Variants in CTNNA3 observed in about 807,000 individuals in gnomAD.
The protein encoded by CTNNA3 is catenin alpha-3.
CTNNA3 carries 76 observed loss-of-function variants against 95.7 expected under a neutral mutation model. The ratio of observed to expected loss-of-function variants is 0.79; its 90% confidence interval spans 0.66 to 0.96. The LOEUF (loss-of-function observed/expected upper bound fraction) is 0.96. CTNNA3 is among the 40% of genes least tolerant of loss of function. CTNNA3 has a pLI of 0.00. For synonymous variants in CTNNA3, 431 were observed against 374.4 expected, an observed-to-expected ratio of 1.15 and a Z score of -1.74; for missense variants, 1,191 against 1,089.8, an observed-to-expected ratio of 1.09 and a Z score of -1.31.
intron 5 of CTNNA3, among the ~76,000 whole-genome samples, chr10:67,318,707 C>T (rs1841175171): frequency 6.6e-6 from 1 of 152,166 alleles, no homozygotes; most frequent in South Asian, 2.1e-4. Flanking sequence ...TTCCTTTTTA[C>T]CTCCAAGCCT....
chr10:67,619,562 C>G (rs1430125225), intron 2 of CTNNA3, among the ~76,000 whole-genome samples: 4 of 152,136 alleles, frequency 2.6e-5, no homozygotes, highest in Admixed American at 6.5e-5. Flanking sequence ...CCTTTTGGCT[C>G]TCATTTAGCA....
At chr10:67,611,937 T>C (rs552555048) in intron 2 of CTNNA3, among the ~76,000 whole-genome samples, 5 of 152,054 alleles carry the variant, frequency 3.3e-5, no homozygotes, top group Non-Finnish European at 7.4e-5. Flanking sequence ...GGTAGAAAAA[T>C]AAAACTGCCT....
chr10:67,170,672 G>A (rs963749864), intron 7 of CTNNA3, among the ~76,000 whole-genome samples: 13 of 152,058 alleles, frequency 8.5e-5, no homozygotes, highest in African/African-American at 3.1e-4. Context: ...CTGGGTACCA[G>A]GCTTAATACT....
At chr10:67,109,659 A>C (rs1057129127) in intron 7 of CTNNA3, among the ~76,000 whole-genome samples, 1 of 152,128 alleles carries the variant, frequency 6.6e-6, no homozygotes, top group African/African-American at 2.4e-5. Context: ...CCTGGCCAAC[A>C]TGGTGAAACC....
chr10:66,344,863 A>G (rs1404031307), intron 12 of CTNNA3, among the ~76,000 whole-genome samples: 1 of 152,086 alleles, frequency 6.6e-6, no homozygotes, highest in African/African-American at 2.4e-5. Context: ...AGTGTATACA[A>G]ATCTAAACAT....
chr10:66,127,867 G>A (rs1266489100), intron 13 of CTNNA3, among the ~76,000 whole-genome samples: 1 of 152,178 alleles, frequency 6.6e-6, no homozygotes, highest in African/African-American at 2.4e-5. Flanking sequence ...ACGAGGTCAG[G>A]AGTTTGAGAC....
rs1300186302 is a variant in CTNNA3 at position 65,919,946 on chromosome 10, G to T, written c.*384C>A. On this transcript the variant is annotated 3_prime_UTR_variant, in exon 18 of 18. Transcript: ENST00000433211. ...TTTCTATTAAAAAACCAAGTTAGGAGCTCATGTTAGTGTTTTAATTCAAGA... is the reference window on the plus strand; with the variant it reads ...TTTCTATTAAAAAACCAAGTTAGGATCTCATGTTAGTGTTTTAATTCAAGA... 6.1e-6 allele frequency: 1 copy of T among 163,974 alleles called. No individual in the cohort carries two copies. Among genetic ancestry groups the T allele is most frequent in the Non-Finnish European group, 1.3e-5 (1 of 76,190 alleles). 10.2% of individuals were successfully genotyped at this position (163,974 alleles called of 1,614,324 possible). A position where few individuals can be genotyped will look rare whatever the true frequency, so the allele number is the denominator to read the frequency against.
At chr10:67,568,927 T>A (rs1408219787) in intron 3 of CTNNA3, among the ~76,000 whole-genome samples, 1 of 152,138 alleles carries the variant, frequency 6.6e-6, no homozygotes, top group Non-Finnish European at 1.5e-5. Context: ...AACAATGTCC[T>A]TAGATAAGCA....
intron 9 of CTNNA3, among the ~76,000 whole-genome samples, chr10:66,721,385 T>G (rs532450407): frequency 1.3e-5 from 2 of 152,332 alleles, no homozygotes; most frequent in African/African-American, 2.4e-5. Flanking sequence ...TTTATAAAAT[T>G]TCTTTGTTTT....
At chr10:67,274,735 A>G (rs1027296613) in intron 5 of CTNNA3, among the ~76,000 whole-genome samples, 3 of 152,074 alleles carry the variant, frequency 2.0e-5, no homozygotes, top group African/African-American at 7.2e-5. Context: ...GGCTGAGATA[A>G]GAGGATTCCT....
chr10:67,747,921 CT>C (rs1348380970), intron 1 of CTNNA3, among the ~76,000 whole-genome samples: 3 of 152,164 alleles, frequency 2.0e-5, no homozygotes, highest in Non-Finnish European at 4.4e-5. Flanking sequence ...ACAATATGAC[CT>C]GATGAAGCTG....
chr10:66,776,540 A>G (rs751046661), intron 7 of CTNNA3, among the ~76,000 whole-genome samples: 1 of 152,100 alleles, frequency 6.6e-6, no homozygotes, highest in Non-Finnish European at 1.5e-5. Context: ...GAAATTTAAA[A>G]ACTCTCTATA....
intron 14 of CTNNA3, among the ~76,000 whole-genome samples, chr10:66,092,939 T>A (rs1169694588): frequency 1.3e-5 from 2 of 151,958 alleles, no homozygotes; most frequent in Non-Finnish European, 2.9e-5. Flanking sequence ...TCTTTTTAAT[T>A]TTTAAAAATT....
intron 7 of CTNNA3, among the ~76,000 whole-genome samples, chr10:67,126,378 T>A (rs1227200592): frequency 2.0e-5 from 3 of 152,036 alleles, no homozygotes; most frequent in Non-Finnish European, 4.4e-5. Flanking sequence ...AATACAAAAG[T>A]CAGCTGGGCG....
At chr10:66,120,453 C>A in intron 13 of CTNNA3, among the ~76,000 whole-genome samples, 1 of 151,866 alleles carries the variant, frequency 6.6e-6, no homozygotes, top group East Asian at 1.9e-4. Flanking sequence ...TGTCCTGGTC[C>A]AGTTATCTAC....
rs543540021 is a variant in CTNNA3, at chr10:67,648,835, G to T, written c.-5-1317C>A. ...GATTCAGCTGCAATGTAAGAGACAC[G>T]CTTCAAGAAAGGCTCCAAACACTAT... is the stretch of plus-strand genomic sequence containing the variant. On this transcript the variant is annotated intron_variant, in intron 1 of 17. Transcript: ENST00000433211. 93 of 1,256,866 alleles carry T rather than the reference G, an allele frequency of 7.4e-5. 1 individual carries two copies. In the African/African-American group the frequency reaches 1.1e-3, roughly 15 times the overall value. The allele number at this position is 1,256,866 out of a possible 1,614,324, so 77.9% of individuals were successfully genotyped here.
At chr10:66,800,740 C>T (rs1392792971) in intron 7 of CTNNA3, among the ~76,000 whole-genome samples, 1 of 150,972 alleles carries the variant, frequency 6.6e-6, no homozygotes, top group Non-Finnish European at 1.5e-5. Context: ...TGAAGTTACC[C>T]CCATTAAGTC....
intron 17 of CTNNA3, among the ~76,000 whole-genome samples, chr10:65,946,285 T>C (rs765628315): frequency 5.9e-5 from 9 of 152,210 alleles, no homozygotes; most frequent in Non-Finnish European, 8.8e-5. Flanking sequence ...ATTACATATA[T>C]AGTTTACAAA....
chr10:67,337,126 C>A (rs1842024008), intron 5 of CTNNA3, among the ~76,000 whole-genome samples: 1 of 152,038 alleles, frequency 6.6e-6, no homozygotes, highest in South Asian at 2.1e-4. Context: ...TGGACCTGAG[C>A]AAAGTAAATT....
Sources: gnomAD v4.1 joint callset for allele counts (sites outside exome capture counted in the v4.1 genomes callset) on GRCh38, gnomAD v4.1.1 for gene constraint, MANE v1.5 for transcripts, NCBI Gene and HGNC (gene_info 2026-07-23, HGNC 2026-07-21) for gene names.